The following SEC24D variants were observed in gnomAD, a reference collection of about 807,000 sequenced individuals.
The protein encoded by SEC24D is protein transport protein Sec24D.
In SEC24D, 69 loss-of-function variants were observed where a neutral mutation model predicts 116.9. The ratio of observed to expected loss-of-function variants is 0.59; its 90% CI spans 0.49 to 0.72. The LOEUF is 0.72. Ranked by LOEUF, SEC24D falls within the 30% of genes least tolerant of loss-of-function variation. The probability of loss-of-function intolerance (pLI) is 0.00; values close to 1 mark genes in which losing one functional copy is unlikely to be tolerated. For missense variants in SEC24D, 1,131 were observed against 1,264.1 expected (o/e 0.89, Z 1.60); for synonymous variants, 405 against 442.8 (o/e 0.91, Z 1.07).
At chr4:118,790,886 A>G (rs1297090409) in intron 8 of SEC24D, among the ~76,000 whole-genome samples, 2 of 148,482 alleles carry the variant, frequency 1.3e-5, no homozygotes, top group Non-Finnish European at 3.0e-5. Flanking sequence ...AATGATGGCA[A>G]TACTAGATAA....
At chr4:118,774,292 G>GT (rs985325012) in intron 8 of SEC24D, among the ~76,000 whole-genome samples, 5 of 151,920 alleles carry the variant, frequency 3.3e-5, no homozygotes, top group African/African-American at 4.8e-5. Context: ...TTGGAAGTTA[G>GT]TTTTTTATTT....
At chr4:118,829,146 A>G (rs531682737) in intron 2 of SEC24D, among the ~76,000 whole-genome samples, 1 of 152,374 alleles carries the variant, frequency 6.6e-6, no homozygotes, top group East Asian at 1.9e-4. Flanking sequence ...CTAAGTAAAT[A>G]CTATGAGGAC....
intron 2 of SEC24D, among the ~76,000 whole-genome samples, chr4:118,829,316 A>C (rs1010495313): frequency 4.6e-5 from 7 of 152,050 alleles, no homozygotes; most frequent in African/African-American, 1.7e-4. Context: ...AGATCGAGAC[A>C]GAACTGGGCA....
chr4:118,800,868 C>T (rs555733367), intron 7 of SEC24D, among the ~76,000 whole-genome samples: 1 of 152,198 alleles, frequency 6.6e-6, no homozygotes, highest in South Asian at 2.1e-4. Context: ...CTACAACATC[C>T]CAGAAAAATT....
intron 15 of SEC24D, 140 bp downstream of exon 15, chr4:118,743,848 G>A: frequency 1.4e-6 from 1 of 731,796 alleles, no homozygotes; most frequent in South Asian, 2.5e-5. Flanking sequence ...AGGACCAACG[G>A]TATACTTTGT....
intron 17 of SEC24D, 151 bp downstream of exon 17, chr4:118,740,512 G>T: frequency 2.7e-6 from 2 of 749,176 alleles, no homozygotes; most frequent in Non-Finnish European, 4.2e-6. Flanking sequence ...CCTCCCAACT[G>T]AGTGTTCTAA....
At chr4:118,726,193 T>C (rs898092076) in intron 22 of SEC24D, among the ~76,000 whole-genome samples, 5 of 152,074 alleles carry the variant, frequency 3.3e-5, no homozygotes, top group African/African-American at 1.2e-4. Flanking sequence ...TGGGAGTGAT[T>C]AGGAAGGCCC....
intron 8 of SEC24D, among the ~76,000 whole-genome samples, chr4:118,786,476 T>C (rs1728668748): frequency 6.6e-6 from 1 of 152,232 alleles, no homozygotes; most frequent in South Asian, 2.1e-4. Context: ...CCTGGTACTC[T>C]TGAATTATCT....
intron 9 of SEC24D, chr4:118,766,836 G>A (rs1267469748): frequency 6.6e-6 from 1 of 152,214 alleles, no homozygotes; most frequent in Non-Finnish European, 1.5e-5. Context: ...AAAGCACAGA[G>A]AAATGAATTG....
chr4:118,732,941 G>C (rs748409368), intron 19 of SEC24D, 29 bp from the exon 20 acceptor site: 1 of 1,577,102 alleles, frequency 6.3e-7, no homozygotes, highest in East Asian at 2.2e-5. Context: ...TGTTTCATAC[G>C]CTTGATCTTT....
intron 1 of SEC24D, among the ~76,000 whole-genome samples, chr4:118,835,727 C>T (rs1242378550): frequency 6.6e-6 from 1 of 152,180 alleles, no homozygotes; most frequent in East Asian, 1.9e-4. Flanking sequence ...GTAAAAAATG[C>T]CCACGCCCAC....
intron 17 of SEC24D, among the ~76,000 whole-genome samples, chr4:118,740,309 T>G (rs1280703812): frequency 6.6e-6 from 1 of 152,180 alleles, no homozygotes; most frequent in Non-Finnish European, 1.5e-5. Flanking sequence ...CTGTAGTGTT[T>G]GTTATAGCAG....
intron 8 of SEC24D, among the ~76,000 whole-genome samples, chr4:118,787,849 C>T (rs561309052): frequency 6.6e-6 from 1 of 152,262 alleles, no homozygotes; most frequent in East Asian, 1.9e-4. Context: ...GTCGAGGTCT[C>T]ACTCTGACAC....
rs1727176223 is a variant in SEC24D, at chr4:118,757,777, A to G, written c.1365T>C (p.Asn455=). 1.2e-6 allele frequency: 2 copies of G among 1,612,334 alleles called. No homozygotes were observed. The highest frequency in any genetic ancestry group is 1.7e-6 in the Non-Finnish European group (2 of 1,179,210). The change falls in exon 11 of 23, where the codon AAT becomes AAC. Residue 455 remains asparagine (N), a synonymous_variant. Transcript: ENST00000280551. ...MIDVSYSNIK[N]GLVKLICEEL... ...CTTCACATATGAGCTTGACAAGTCC[A>G]TTCTTTATGTTACTATATGAAACAT...
rs187940160 is a variant in SEC24D at position 118,795,097 on chromosome 4, T to C, written c.1041+2586A>G. On this transcript the variant is annotated intron_variant, in intron 8 of 22. Coordinates refer to ENST00000280551, the MANE Select transcript of SEC24D (RefSeq NM_014822.4). ...TTTCATTGTATGCCCTTTTCATCTT[T>C]GGATTGTTTATGTTTTACTTATTTA... Among the ~76,000 whole-genome samples the C allele has an allele frequency of 3.9e-3, 587 of 152,244 alleles. 3 individuals carry two copies. Among genetic ancestry groups the C allele is most frequent in the Non-Finnish European group, 5.4e-3 (366 of 68,002 alleles).
At chr4:118,790,719 G>A (rs1728858885) in intron 8 of SEC24D, among the ~76,000 whole-genome samples, 1 of 151,656 alleles carries the variant, frequency 6.6e-6, no homozygotes, top group Non-Finnish European at 1.5e-5. Context: ...GCTTGGGTTA[G>A]GTTTATTTTT....
intron 6 of SEC24D, among the ~76,000 whole-genome samples, chr4:118,810,501 A>C (rs910035022): frequency 3.9e-5 from 6 of 152,286 alleles, no homozygotes; most frequent in African/African-American, 1.4e-4. Context: ...TTCAGGGAAA[A>C]GGTCTTTACT....
At chr4:118,758,674 T>A (rs1727231624) in intron 10 of SEC24D, 1 of 152,164 alleles carries the variant, frequency 6.6e-6, no homozygotes, top group Non-Finnish European at 1.5e-5. Context: ...TTTAACTTCA[T>A]AATAAATCAC....
chr4:118,728,426 CTTTTA>C, intron 22 of SEC24D, 130 bp downstream of exon 22: 1 of 602,918 alleles, frequency 1.7e-6, no homozygotes, highest in Non-Finnish European at 2.9e-6. Flanking sequence ...GTTTTTTTAA[CTTTTA>C]TTTTAGATTT....
Sources: allele counts gnomAD v4.1 joint callset (sites outside exome capture counted in the v4.1 genomes callset), GRCh38; gene constraint gnomAD v4.1.1; transcripts MANE v1.5; gene names NCBI Gene and HGNC (gene_info 2026-07-23, HGNC 2026-07-21).